The following SYDE2 variants were observed in gnomAD, a reference collection of about 807,000 sequenced individuals.
SYDE2 encodes the protein rho GTPase-activating protein SYDE2.
Under a neutral mutation model 91.5 loss-of-function variants are expected in SYDE2, and 76 were observed. The ratio of observed to expected loss-of-function variants is 0.83; its 90% CI spans 0.69 to 1.01. The LOEUF (loss-of-function observed/expected upper bound fraction) is 1.01. Ranked by LOEUF, SYDE2 falls within the 50% of genes least tolerant of loss-of-function variation. The pLI is 0.00. For synonymous variants in SYDE2, 513 were observed against 506.4 expected (o/e 1.01, Z -0.18); for missense variants, 1,364 against 1,367.7 (o/e 1.00, Z 0.04).
At position 85,183,004 on chromosome 1, in the gene SYDE2, CTTAA is replaced by C; in HGVS notation, c.1634_1637del (p.Val545GlyfsTer4). 1 of 1,613,228 alleles carries C rather than the reference CTTAA, an allele frequency of 6.2e-7. No individual in the cohort carries two copies. Among genetic ancestry groups the C allele is most frequent in the South Asian group, 1.1e-5 (1 of 90,836 alleles). On this transcript the variant is annotated frameshift_variant, in exon 3 of 7. Coordinates refer to ENST00000341460, the MANE Select transcript of SYDE2 (RefSeq NM_032184.2). LOFTEE classifies it high-confidence loss of function. ...GACTGTTTATATAATTCAATGTTCCCTTAACGCTTAGCTTTCGGCTAAATTCTGG... is the reference window on the plus strand; with the variant it reads ...GACTGTTTATATAATTCAATGTTCCCCGCTTAGCTTTCGGCTAAATTCTGG...
chr1:85,161,779 T>C (rs1657070860), intron 6 of SYDE2, among the ~76,000 whole-genome samples: 2 of 151,884 alleles, frequency 1.3e-5, no homozygotes, highest in East Asian at 1.9e-4. Context: ...CTAGGAATTA[T>C]ACTCTCTCTA....
At chr1:85,185,274 T>C (rs932675369) in intron 2 of SYDE2, among the ~76,000 whole-genome samples, 9 of 148,406 alleles carry the variant, frequency 6.1e-5, no homozygotes, top group Admixed American at 2.0e-4. Context: ...AATTATATAT[T>C]TATGAGAAGA....
chr1:85,200,591 CCCGGGCGCGGTCCCCACTCCAGCCGT>C lies in SYDE2; in HGVS notation c.380_405del (p.Asp127GlyfsTer98). ...GGCTGGAGGCCGGTGGGTGCAGCCG[CCCGGGCGCGGTCCCCACTCCAGCCGT>C]CCATCCTGCCTCCACGTGGCGGGGG... On this transcript the variant is annotated frameshift_variant, in exon 1 of 7. Coordinates refer to ENST00000341460, the MANE Select transcript of SYDE2 (RefSeq NM_032184.2). LOFTEE classifies it high-confidence loss of function. The C allele has an allele frequency of 6.4e-7, 1 of 1,574,358 alleles. No individual in the cohort carries two copies.
chr1:85,176,021 T>G (rs1175575771), intron 4 of SYDE2, among the ~76,000 whole-genome samples: 1 of 152,228 alleles, frequency 6.6e-6, no homozygotes, highest in African/African-American at 2.4e-5. Flanking sequence ...TCATATCTTC[T>G]GCATATGCTG....
At chr1:85,166,829 T>C (rs1172179422) in intron 5 of SYDE2, among the ~76,000 whole-genome samples, 1 of 152,154 alleles carries the variant, frequency 6.6e-6, no homozygotes, top group Non-Finnish European at 1.5e-5. Context: ...TAAATATATG[T>C]TCAATCTCAA....
Position 85,190,428 on chromosome 1 carries a change from T to G in SYDE2, c.1070A>C (p.Asp357Ala). 6.2e-7 allele frequency: 1 copy of G among 1,613,922 alleles called. No individual in the cohort carries two copies. The highest frequency in any genetic ancestry group is 8.5e-7 in the Non-Finnish European group (1 of 1,179,838). The change falls in exon 2 of 7, where the codon GAT (aspartate) becomes GCT (alanine). Residue 357 changes from aspartate to alanine, a missense_variant. Physicochemically the swap from Asp to Ala is moderately radical, Grantham distance 126 (BLOSUM62 -2). Coordinates refer to ENST00000341460, the MANE Select transcript of SYDE2 (RefSeq NM_032184.2). ...ATCTGCATCATTTTCCTCATTAAAATCTAAAGCACAGTTTTTCGATAATGA... is the reference window on the plus strand; with the variant it reads ...ATCTGCATCATTTTCCTCATTAAAAGCTAAAGCACAGTTTTTCGATAATGA... ...NSSLSKNCALDFNEENDADDE... is the reference protein window; with the variant it reads ...NSSLSKNCALAFNEENDADDE...
In SYDE2 at chr1:85,171,241, TG is replaced by T. The variant is rs1222156734; in HGVS notation, c.2672-2017del. On this transcript the variant is annotated intron_variant, in intron 4 of 6. Coordinates refer to ENST00000341460, the MANE Select transcript of SYDE2 (RefSeq NM_032184.2). Reference sequence around the variant, plus strand: ...GATCAACTTAAAGATAACTGGATCTTGGGAATGATTATCAGGGAGACATACA... The same window carrying T: ...GATCAACTTAAAGATAACTGGATCTTGGAATGATTATCAGGGAGACATACA... Among the ~76,000 whole-genome samples, 3 of 152,282 alleles carry T rather than the reference TG, an allele frequency of 2.0e-5. No individual in the cohort carries two copies. In the East Asian group the frequency reaches 5.8e-4, roughly 29 times the overall value.
At position 85,157,149 on chromosome 1, in the gene SYDE2, A is replaced by G. The variant is rs533384182; in HGVS notation, c.*1601T>C. The G allele has an allele frequency of 6.6e-6, 1 of 152,206 alleles. No homozygotes were observed. Among genetic ancestry groups the G allele is most frequent in the East Asian group, 1.9e-4 (1 of 5,196 alleles). 9.4% of individuals were successfully genotyped at this position (152,206 alleles called of 1,614,324 possible). A position where few individuals can be genotyped will look rare whatever the true frequency, so the allele number is the denominator to read the frequency against. ...GTTTATCAATATTTATTGCATAGAA[A>G]TATTTTAAGTACTTTAATATTTAGA... On this transcript the variant is annotated 3_prime_UTR_variant, in exon 7 of 7. Coordinates refer to ENST00000341460, the MANE Select transcript of SYDE2 (RefSeq NM_032184.2).
At chr1:85,163,209 C>T (rs1230116659) in intron 6 of SYDE2, among the ~76,000 whole-genome samples, 13 of 150,186 alleles carry the variant, frequency 8.7e-5, no homozygotes, top group Non-Finnish European at 1.9e-4. Flanking sequence ...CTAGTTCAAG[C>T]GATTCTCTTG....
intron 4 of SYDE2, 70 bp downstream of exon 4, chr1:85,178,076 T>C: frequency 1.6e-6 from 2 of 1,243,062 alleles, no homozygotes; most frequent in Non-Finnish European, 2.2e-6. Context: ...GCTACAAACG[T>C]ATTTCAGTTA....
downstream of SYDE2, among the ~76,000 whole-genome samples, chr1:85,155,021 A>AAAAAAG (rs1656846320): frequency 6.7e-6 from 1 of 150,310 alleles, no homozygotes; most frequent in Admixed American, 6.6e-5. Flanking sequence ...AAAAAAAAAA[A>AAAAAAG]AAAAGAAAAG....
Position 85,200,924 on chromosome 1 carries a change from C to T in SYDE2, c.73G>A (p.Gly25Arg). The T allele has an allele frequency of 1.5e-6, 2 of 1,320,970 alleles. No homozygotes were observed. The highest frequency in any genetic ancestry group is 1.9e-6 in the Non-Finnish European group (2 of 1,044,768). 81.8% of individuals were successfully genotyped at this position (1,320,970 alleles called of 1,614,324 possible). The change falls in exon 1 of 7, where the codon GGA becomes AGA. Residue 25 changes from glycine (G) to arginine (R), a missense_variant. Gly to Arg is a moderately radical substitution (Grantham distance 125, BLOSUM62 -2). Transcript: ENST00000341460. ...GGCGGCTGGCCCGGAGCCCGGGCTC[C>T]CGCGGGGAAGCTGTGATCCGCCAAG... ...RGLADHSFPA[G>R]ARAPGQPPSR...
Position 85,182,289 on chromosome 1 carries a change from T to C in SYDE2, c.2353A>G (p.Arg785Gly). 1 of 1,613,752 alleles carries C rather than the reference T, an allele frequency of 6.2e-7. No homozygotes were observed. The highest frequency in any genetic ancestry group is 1.3e-5 in the African/African-American group (1 of 75,042). The change falls in exon 3 of 7, where the codon AGA becomes GGA. Residue 785 changes from arginine (R) to glycine (G), a missense_variant. Arg to Gly is a moderately radical substitution (Grantham distance 125). Transcript: ENST00000341460. ...GTCACTTTCACATAAATAAGACCTCTAGGTTCAAGTTTGACAGCCAACTGA... is the reference window on the plus strand; with the variant it reads ...GTCACTTTCACATAAATAAGACCTCCAGGTTCAAGTTTGACAGCCAACTGA... ...THQLAVKLEP[R>G]GLIYVKVTLM...
At chr1:85,169,306 A>G (rs1657414057) in intron 4 of SYDE2, 81 bp from the exon 5 acceptor site, 2 of 1,080,078 alleles carry the variant, frequency 1.9e-6, no homozygotes, top group Non-Finnish European at 1.3e-6. Context: ...TTAAAATTTA[A>G]GTATTATAGC....
In SYDE2 at chr1:85,164,634, G is replaced by A; in HGVS notation, c.2977C>T (p.Pro993Ser). The A allele has an allele frequency of 6.2e-7, 1 of 1,601,850 alleles. No individual in the cohort carries two copies. Among genetic ancestry groups the A allele is most frequent in the Non-Finnish European group, 8.5e-7 (1 of 1,173,666 alleles). Reference protein sequence around the residue: ...GPVLLSQRQEPSTHNNRVFTD... With the variant: ...GPVLLSQRQESSTHNNRVFTD... ...AAGACTCTGTTGTTATGGGTGGAAG[G>A]CTCTTGCCTCTGACTTAATAATACT... is the stretch of plus-strand genomic sequence containing the variant. Residue 993 changes from proline to serine, a missense_variant, in exon 6 of 7, where the codon CCT becomes TCT. By Grantham distance (74) the Pro-to-Ser change is moderately conservative. Coordinates refer to ENST00000341460, the MANE Select transcript of SYDE2 (RefSeq NM_032184.2).
intron 6 of SYDE2, among the ~76,000 whole-genome samples, chr1:85,163,445 C>CTATCTATCTATATATA (rs1174209275): frequency 1.1e-5 from 1 of 87,606 alleles, no homozygotes. Flanking sequence ...GTACTTTAAT[C>CTATCTATCTATATATA]TATATATATA....
rs1425450702 is a variant in SYDE2 at position 85,169,040 on chromosome 1, T to C, written c.2853+4A>G. On this transcript the variant is annotated splice_donor_region_variant and intron_variant, in intron 5 of 6. Transcript: ENST00000341460. ...CAGGAAAAATGTATACTGGTAATGC[T>C]TACCTTCTCAATCTCTGGCAGACAA... is the stretch of plus-strand genomic sequence containing the variant. The C allele has an allele frequency of 6.2e-7, 1 of 1,613,562 alleles. No individual in the cohort carries two copies. The highest frequency in any genetic ancestry group is 8.5e-7 in the Non-Finnish European group (1 of 1,179,526).
At chr1:85,164,244 A>G (rs1657182766) in intron 6 of SYDE2, among the ~76,000 whole-genome samples, 1 of 152,224 alleles carries the variant, frequency 6.6e-6, no homozygotes, top group Admixed American at 6.5e-5. Context: ...ACGTTAAGAA[A>G]CCAACCCAAG....
Position 85,200,898 on chromosome 1 carries a change from A to G in SYDE2, c.99T>C (p.Pro33=), listed in dbSNP as rs1658808972. The change falls in exon 1 of 7, where the codon CCT becomes CCC. Residue 33 remains proline, a synonymous_variant. Coordinates refer to ENST00000341460, the MANE Select transcript of SYDE2 (RefSeq NM_032184.2). ...CTCGGCGGTACGCGGCGCCGCGGGA[A>G]GGCGGCTGGCCCGGAGCCCGGGCTC... The part of the protein sequence containing the change: ...PAGARAPGQP[P]SRGAAYRRAC... 7.5e-7 allele frequency: 1 copy of G among 1,332,714 alleles called. No individual in the cohort carries two copies. The highest frequency in any genetic ancestry group is 9.5e-7 in the Non-Finnish European group (1 of 1,050,834). The allele number at this position is 1,332,714 out of a possible 1,614,324, so 82.6% of individuals were successfully genotyped here.
Sources: gnomAD v4.1 joint callset for allele counts (sites outside exome capture counted in the v4.1 genomes callset) on GRCh38, gnomAD v4.1.1 for gene constraint, MANE v1.5 for transcripts, NCBI Gene and HGNC (gene_info 2026-07-23, HGNC 2026-07-21) for gene names.